FBXL17: variants seen among roughly 807,000 people sequenced by gnomAD.
The protein encoded by FBXL17 is F-box and leucine rich repeat protein 17.
Under a neutral mutation model 66.2 loss-of-function variants are expected in FBXL17, and 22 were observed. The observed-to-expected ratio is 0.33, with a 90% CI of 0.24 to 0.47. FBXL17 has a LOEUF of 0.47. Ranked by LOEUF, FBXL17 falls within the 20% of genes least tolerant of loss-of-function variation. FBXL17 has a pLI of 1.00. For missense variants in FBXL17, 878 were observed against 948.2 expected (o/e 0.93, Z 0.97); for synonymous variants, 474 against 400.5 (o/e 1.18, Z -2.19).
At chr5:107,937,294 G>A (rs1750940681) in intron 7 of FBXL17, among the ~76,000 whole-genome samples, 1 of 152,056 alleles carries the variant, frequency 6.6e-6, no homozygotes, top group Admixed American at 6.6e-5. Context: ...AAATCAGCCC[G>A]ATCTTATTCA....
intron 7 of FBXL17, among the ~76,000 whole-genome samples, chr5:107,931,527 G>A (rs758707879): frequency 6.6e-6 from 1 of 151,402 alleles, no homozygotes; most frequent in Non-Finnish European, 1.5e-5. Flanking sequence ...TCCTCCCAAA[G>A]TGCTGGGATT....
intron 6 of FBXL17, among the ~76,000 whole-genome samples, chr5:108,179,482 T>A (rs1032831461): frequency 5.9e-5 from 9 of 152,170 alleles, no homozygotes; most frequent in African/African-American, 2.2e-4. Context: ...GTATTAAGAT[T>A]TTTTCTTAAT....
intron 1 of FBXL17, among the ~76,000 whole-genome samples, chr5:108,370,690 C>A (rs956175778): frequency 1.3e-5 from 2 of 151,572 alleles, no homozygotes; most frequent in African/African-American, 4.9e-5. Flanking sequence ...TTGCAGTAAG[C>A]CAAGATTGCA....
chr5:107,866,555 C>T (rs1369273349), intron 8 of FBXL17, among the ~76,000 whole-genome samples: 4 of 152,106 alleles, frequency 2.6e-5, no homozygotes, highest in South Asian at 4.1e-4. Context: ...TACAGAGAGT[C>T]GGTGTAACAA....
intron 6 of FBXL17, among the ~76,000 whole-genome samples, chr5:108,104,023 C>T (rs1247375081): frequency 2.0e-5 from 3 of 152,070 alleles, no homozygotes; most frequent in Admixed American, 6.6e-5. Context: ...CTTTCTGCAA[C>T]CAATTTTGTT....
intron 4 of FBXL17, among the ~76,000 whole-genome samples, chr5:108,272,661 A>C (rs1331254816): frequency 1.3e-5 from 2 of 152,160 alleles, no homozygotes; most frequent in Non-Finnish European, 2.9e-5. Context: ...GCCATTAGCT[A>C]CAATTTCTAT....
chr5:108,003,785 T>C (rs1174839702), intron 7 of FBXL17, among the ~76,000 whole-genome samples: 3 of 152,064 alleles, frequency 2.0e-5, no homozygotes, highest in South Asian at 2.1e-4. Flanking sequence ...GAAAATAACA[T>C]ACATTATAGC....
At chr5:108,369,922 G>C (rs954625214) in intron 1 of FBXL17, among the ~76,000 whole-genome samples, 8 of 152,136 alleles carry the variant, frequency 5.3e-5, no homozygotes, top group African/African-American at 1.9e-4. Context: ...AAACAAGTAA[G>C]ATAATTATTT....
chr5:107,921,595 T>C (rs1396199423), intron 7 of FBXL17, among the ~76,000 whole-genome samples: 1 of 152,198 alleles, frequency 6.6e-6, no homozygotes, highest in Non-Finnish European at 1.5e-5. Context: ...TCTTACTTAC[T>C]GTTAAACCAA....
At chr5:108,107,084 T>A (rs1749827992) in intron 6 of FBXL17, among the ~76,000 whole-genome samples, 1 of 152,170 alleles carries the variant, frequency 6.6e-6, no homozygotes, top group Non-Finnish European at 1.5e-5. Context: ...TTTTATTTAT[T>A]TTTTTGAGAC....
intron 5 of FBXL17, among the ~76,000 whole-genome samples, chr5:108,188,810 T>C (rs1753342637): frequency 6.6e-6 from 1 of 152,178 alleles, no homozygotes; most frequent in Non-Finnish European, 1.5e-5. Flanking sequence ...ACATAGCGCC[T>C]GTTTCCTATA....
At chr5:108,365,576 A>G (rs565667353) in intron 2 of FBXL17, among the ~76,000 whole-genome samples, 1 of 152,240 alleles carries the variant, frequency 6.6e-6, no homozygotes, top group South Asian at 2.1e-4. Flanking sequence ...TAAATATAGT[A>G]AGTATTTTCC....
At chr5:108,005,567 C>T (rs1053129166) in intron 7 of FBXL17, among the ~76,000 whole-genome samples, 2 of 152,160 alleles carry the variant, frequency 1.3e-5, no homozygotes, top group African/African-American at 4.8e-5. Flanking sequence ...CCATGAAAAT[C>T]TGACCTTTGG....
At chr5:108,153,779 T>C (rs1009028773) in intron 6 of FBXL17, among the ~76,000 whole-genome samples, 8 of 152,132 alleles carry the variant, frequency 5.3e-5, no homozygotes, top group African/African-American at 1.9e-4. Context: ...ATGAGAACAC[T>C]CTCTACACTG....
intron 7 of FBXL17, among the ~76,000 whole-genome samples, chr5:107,903,069 A>G (rs920600930): frequency 2.0e-5 from 3 of 152,172 alleles, no homozygotes; most frequent in Non-Finnish European, 4.4e-5. Context: ...CTAATAAATC[A>G]TTTAGATTTT....
chr5:108,177,447 A>G (rs947229391), intron 6 of FBXL17, among the ~76,000 whole-genome samples: 6 of 152,232 alleles, frequency 3.9e-5, no homozygotes, highest in Non-Finnish European at 7.3e-5. Flanking sequence ...AACCATGTTC[A>G]GAATGATCAA....
intron 7 of FBXL17, among the ~76,000 whole-genome samples, chr5:107,900,136 T>C (rs1157286808): frequency 6.6e-6 from 1 of 152,224 alleles, no homozygotes. Flanking sequence ...ATATTTTTTG[T>C]AAAAGAGTAT....
intron 4 of FBXL17, among the ~76,000 whole-genome samples, chr5:108,332,941 C>CAAAAAAAAAAAAAAAAAAAA (rs34218940): frequency 5.8e-5 from 2 of 34,764 alleles, no homozygotes; most frequent in Non-Finnish European, 9.3e-5. Flanking sequence ...AAAGCAAAAG[C>CAAAAAAAAAAAAAAAAAAAA]AAAAAAAAAA....
At chr5:107,890,504 A>AC (rs2112516203) in intron 7 of FBXL17, among the ~76,000 whole-genome samples, 1 of 152,110 alleles carries the variant, frequency 6.6e-6, no homozygotes, top group East Asian at 1.9e-4. Flanking sequence ...TCTACAAAAA[A>AC]TAAAAAAAAA....
Sources: allele counts gnomAD v4.1 joint callset (sites outside exome capture counted in the v4.1 genomes callset), GRCh38; gene constraint gnomAD v4.1.1; transcripts MANE v1.5; gene names NCBI Gene and HGNC (gene_info 2026-07-23, HGNC 2026-07-21).